The following RBPMS variants were observed in gnomAD, a reference collection of about 807,000 sequenced individuals.
RBPMS encodes the protein RNA binding protein, mRNA processing factor, also known as RNA-binding protein with multiple splicing.
A neutral mutation model predicts 26.8 loss-of-function variants in RBPMS; 7 were observed. That is an observed-to-expected ratio of 0.26 (90% CI 0.15 to 0.49). The LOEUF (loss-of-function observed/expected upper bound fraction) is 0.49. Among genes scored for constraint, RBPMS ranks in the 20% least tolerant of loss-of-function variants. RBPMS has a pLI of 0.98. For missense variants in RBPMS, 186 were observed against 250.0 expected, an observed-to-expected ratio of 0.74 and a Z score of 1.73; for synonymous variants, 96 against 93.3, an observed-to-expected ratio of 1.03 and a Z score of -0.17.
intron 5 of RBPMS, among the ~76,000 whole-genome samples, chr8:30,522,412 G>A (rs898916646): frequency 3.7e-4 from 56 of 152,090 alleles, no homozygotes; most frequent in African/African-American, 1.3e-3. Flanking sequence ...AGACGCCAAG[G>A]TGGGCAGATT....
At chr8:30,556,094 C>T (rs1826880019) in intron 6 of RBPMS, 12 of 985,378 alleles carry the variant, frequency 1.2e-5, no homozygotes, top group African/African-American at 1.7e-5. Context: ...TCTGTGGATG[C>T]GGTGAGAAGA....
chr8:30,544,062 T>C (rs910356048), intron 5 of RBPMS, among the ~76,000 whole-genome samples: 1 of 152,238 alleles, frequency 6.6e-6, no homozygotes, highest in African/African-American at 2.4e-5. Context: ...TTCTGGTCTG[T>C]TGAGGCCCTG....
At chr8:30,540,531 A>T (rs1585815804) in intron 5 of RBPMS, among the ~76,000 whole-genome samples, 1 of 151,724 alleles carries the variant, frequency 6.6e-6, no homozygotes, top group Non-Finnish European at 1.5e-5. Context: ...GTTCGAGTGA[A>T]CCTCCCACCT....
chr8:30,395,449 G>T, intron 1 of RBPMS, among the ~76,000 whole-genome samples: 2 of 35,252 alleles, frequency 5.7e-5, no homozygotes, highest in Admixed American at 3.4e-4. Context: ...TGGACAGAGT[G>T]AGACTCTGTC....
chr8:30,424,932 T>C (rs1360760792), intron 1 of RBPMS, among the ~76,000 whole-genome samples: 1 of 152,114 alleles, frequency 6.6e-6, no homozygotes, highest in African/African-American at 2.4e-5. Flanking sequence ...CATTATTAAA[T>C]ATTAACTTTT....
intron 6 of RBPMS, among the ~76,000 whole-genome samples, chr8:30,557,786 A>T (rs796574697): frequency 4.6e-5 from 7 of 152,242 alleles, no homozygotes; most frequent in African/African-American, 1.7e-4. Context: ...GGAGGCGGGC[A>T]TCTCTTGCCT....
rs571255228 is a variant in RBPMS, at chr8:30,467,774, AT to A, written c.67-7004del. Among the ~76,000 whole-genome samples, 1,000 of 152,336 alleles carry A rather than the reference AT, an allele frequency of 6.6e-3. 13 individuals carry two copies. Among genetic ancestry groups the A allele is most frequent in the African/African-American group, 0.023 (949 of 41,576 alleles). ...AGGACAGGGAGGAAAATGAGAAAGA[AT>A]ATTTCTAAGGACAGTGGACATGCTG... On this transcript the variant is annotated intron_variant, in intron 1 of 8. Transcript: ENST00000397323.
chr8:30,545,886 A>G (rs532605477), intron 6 of RBPMS, among the ~76,000 whole-genome samples: 45 of 152,298 alleles, frequency 3.0e-4, no homozygotes, highest in African/African-American at 1.1e-3. Flanking sequence ...CAAGTAGTGA[A>G]GAAAAAAATG....
chr8:30,563,636 G>A (rs1014151383), intron 7 of RBPMS, among the ~76,000 whole-genome samples: 2 of 152,194 alleles, frequency 1.3e-5, no homozygotes, highest in African/African-American at 4.8e-5. Flanking sequence ...GAACGTGACG[G>A]AATTTGGAGC....
chr8:30,566,529 A>T (rs1827897234), intron 8 of RBPMS, among the ~76,000 whole-genome samples, 169 bp downstream of exon 8: 1 of 152,168 alleles, frequency 6.6e-6, no homozygotes, highest in Non-Finnish European at 1.5e-5. Context: ...CTGCCAGGGA[A>T]GGTCATCCCA....
At chr8:30,548,924 G>A (rs1346854759) in intron 6 of RBPMS, among the ~76,000 whole-genome samples, 1 of 152,258 alleles carries the variant, frequency 6.6e-6, no homozygotes, top group Non-Finnish European at 1.5e-5. Flanking sequence ...TTGGTGTCGG[G>A]TATGTTTTGA....
intron 1 of RBPMS, among the ~76,000 whole-genome samples, chr8:30,437,363 C>T (rs554224712): frequency 3.6e-4 from 54 of 151,918 alleles, no homozygotes; most frequent in Middle Eastern, 3.4e-3. Flanking sequence ...TTTTTAAAAA[C>T]GATGTTATTG....
In RBPMS at chr8:30,519,458, C is replaced by T. The variant is rs866483788; in HGVS notation, c.397+15022C>T. 2.8e-3 allele frequency among the ~76,000 whole-genome samples: 250 copies of T among 89,482 alleles called. 3 individuals carry two copies. Among genetic ancestry groups the T allele is most frequent in the African/African-American group, 0.01 (231 of 22,852 alleles). The allele number at this position is 89,482 out of a possible 152,430, so 58.7% of individuals were successfully genotyped here. A position where few individuals can be genotyped will look rare whatever the true frequency, so the allele number is the denominator to read the frequency against. ...TCACCCTACGTGGGAGGATCTCTCT[C>T]TTTTTTTTTTTTTTTTTTTTTTTTT... On this transcript the variant is annotated intron_variant, in intron 5 of 8. Transcript: ENST00000397323.
intron 5 of RBPMS, among the ~76,000 whole-genome samples, chr8:30,524,013 A>G (rs2150992448): frequency 6.6e-6 from 1 of 152,182 alleles, no homozygotes; most frequent in East Asian, 1.9e-4. Flanking sequence ...TCTTGCTTGC[A>G]GTTTATTTGT....
At chr8:30,488,947 T>C (rs1470800287) in intron 4 of RBPMS, among the ~76,000 whole-genome samples, 2 of 152,216 alleles carry the variant, frequency 1.3e-5, no homozygotes, top group Non-Finnish European at 2.9e-5. Flanking sequence ...ATTTGGGGGC[T>C]CTTCTTCAAG....
chr8:30,414,905 A>T (rs548915074), intron 1 of RBPMS, among the ~76,000 whole-genome samples: 1 of 150,716 alleles, frequency 6.6e-6, no homozygotes, highest in Admixed American at 6.6e-5. Context: ...CCACCCCTAC[A>T]TTCTCCTTTT....
intron 5 of RBPMS, among the ~76,000 whole-genome samples, chr8:30,516,372 G>C (rs1822309348): frequency 6.6e-6 from 1 of 150,474 alleles, no homozygotes; most frequent in Non-Finnish European, 1.5e-5. Context: ...GGGACAGAGT[G>C]AGTGAAACTG....
chr8:30,569,678 A>G (rs1452120402), intron 8 of RBPMS, among the ~76,000 whole-genome samples: 1 of 152,060 alleles, frequency 6.6e-6, no homozygotes, highest in Non-Finnish European at 1.5e-5. Flanking sequence ...GTAGAAGCAC[A>G]CTTCTGCACA....
chr8:30,435,488 T>C (rs1812354081), intron 1 of RBPMS, among the ~76,000 whole-genome samples: 1 of 152,240 alleles, frequency 6.6e-6, no homozygotes, highest in South Asian at 2.1e-4. Flanking sequence ...AAATCACAGA[T>C]TGTTGTAATC....
Sources: allele counts gnomAD v4.1 joint callset (sites outside exome capture counted in the v4.1 genomes callset), GRCh38; gene constraint gnomAD v4.1.1; transcripts MANE v1.5; gene names NCBI Gene and HGNC (gene_info 2026-07-23, HGNC 2026-07-21).